Variants in LIPC observed in about 807,000 individuals in gnomAD.
The protein encoded by LIPC is lipase C, hepatic type, also known as hepatic triacylglycerol lipase.
A neutral mutation model predicts 50.7 loss-of-function variants in LIPC; 44 were observed. That is an observed-to-expected ratio of 0.87 (90% CI 0.68 to 1.11). The LOEUF (loss-of-function observed/expected upper bound fraction) is 1.11. Among genes scored for constraint, LIPC ranks in the 50% most tolerant of loss-of-function variants. LIPC has a pLI of 0.00. For synonymous variants in LIPC, 271 were observed against 256.4 expected, an observed-to-expected ratio of 1.06 and a Z score of -0.54; for missense variants, 697 against 648.2, an observed-to-expected ratio of 1.08 and a Z score of -0.82.
intron 8 of LIPC, among the ~76,000 whole-genome samples, chr15:58,568,253 C>A (rs1322856385): frequency 1.3e-5 from 2 of 152,176 alleles, no homozygotes; most frequent in African/African-American, 4.8e-5. Flanking sequence ...ACCGATGACA[C>A]TGGCCTCATG....
chr15:58,457,337 C>T (rs1894166727), intron 1 of LIPC, among the ~76,000 whole-genome samples: 1 of 152,152 alleles, frequency 6.6e-6, no homozygotes, highest in South Asian at 2.1e-4. Context: ...CTCAAACTCC[C>T]GACCTCAGGT....
intron 1 of LIPC, among the ~76,000 whole-genome samples, chr15:58,446,110 G>C (rs1208543709): frequency 1.3e-5 from 2 of 152,152 alleles, no homozygotes; most frequent in Non-Finnish European, 2.9e-5. Context: ...AGATAAGAGG[G>C]GGAAAGGAAG....
At chr15:58,553,532 G>T (rs1273100202) in intron 6 of LIPC, among the ~76,000 whole-genome samples, 1 of 152,246 alleles carries the variant, frequency 6.6e-6, no homozygotes, top group Non-Finnish European at 1.5e-5. Context: ...GGTCAAGGCT[G>T]CAGTGAGACA....
At chr15:58,503,892 TACACACCC>T (rs1188104095) in intron 1 of LIPC, among the ~76,000 whole-genome samples, 1 of 146,846 alleles carries the variant, frequency 6.8e-6, no homozygotes, top group African/African-American at 2.7e-5. Flanking sequence ...TATATGTACA[TACACACCC>T]ACACACCCAC....
chr15:58,467,644 C>A (rs1297971772), intron 1 of LIPC, among the ~76,000 whole-genome samples: 2 of 152,142 alleles, frequency 1.3e-5, no homozygotes, highest in Admixed American at 6.5e-5. Flanking sequence ...CTAATTAATG[C>A]CTCTATCTTA....
At chr15:58,535,930 T>A (rs1245326620) in intron 1 of LIPC, among the ~76,000 whole-genome samples, 2 of 152,190 alleles carry the variant, frequency 1.3e-5, no homozygotes, top group Non-Finnish European at 2.9e-5. Context: ...GGCTGAAGAT[T>A]GAGTGCCAGC....
chr15:58,565,456 G>T (rs1485625184), intron 8 of LIPC: 4 of 1,413,094 alleles, frequency 2.8e-6, no homozygotes, highest in Non-Finnish European at 3.7e-6. Flanking sequence ...AGAGGGAGGG[G>T]CCTGGCCCTT....
At chr15:58,494,913 A>T (rs1329695150) in intron 1 of LIPC, 3 of 455,818 alleles carry the variant, frequency 6.6e-6, no homozygotes, top group Non-Finnish European at 1.3e-5. Flanking sequence ...AAAATTAAAT[A>T]TTAGTCCAGT....
chr15:58,533,002 ACAACCCCAAGCCTCCCTAGTCCAT>A, intron 1 of LIPC: 1 of 180,720 alleles, frequency 5.5e-6, no homozygotes, highest in Non-Finnish European at 1.1e-5. Flanking sequence ...CATACAGAGG[ACAACCCCAAGCCTCCCTAGTCCAT>A]CAACCCCTTT....
intron 1 of LIPC, among the ~76,000 whole-genome samples, chr15:58,518,624 A>G (rs1230443191): frequency 1.3e-5 from 2 of 152,228 alleles, no homozygotes; most frequent in African/African-American, 2.4e-5. Context: ...ATGTGATGAG[A>G]GGCAGAACAG....
intron 6 of LIPC, among the ~76,000 whole-genome samples, chr15:58,550,795 T>G (rs183706349): frequency 2.3e-4 from 34 of 148,402 alleles, no homozygotes; most frequent in African/African-American, 8.7e-4. Flanking sequence ...GAGCTGTGGC[T>G]TGTACCACAC....
At chr15:58,513,791 G>T (rs1018655034) in intron 1 of LIPC, among the ~76,000 whole-genome samples, 2 of 152,146 alleles carry the variant, frequency 1.3e-5, no homozygotes, top group Non-Finnish European at 2.9e-5. Context: ...CTATGTCCTG[G>T]CTCCACTCAC....
intron 1 of LIPC, among the ~76,000 whole-genome samples, chr15:58,438,980 C>T (rs1269842596): frequency 6.6e-6 from 1 of 152,228 alleles, no homozygotes; most frequent in East Asian, 1.9e-4. Flanking sequence ...CAAGCGGAGG[C>T]CTCTTTGTCT....
At chr15:58,442,622 C>T (rs1893544997) in intron 1 of LIPC, among the ~76,000 whole-genome samples, 1 of 152,188 alleles carries the variant, frequency 6.6e-6, no homozygotes, top group African/African-American at 2.4e-5. Flanking sequence ...AAGTTCTTTG[C>T]CTATTTATGT....
At chr15:58,523,419 G>A (rs996557989) in intron 1 of LIPC, 4 of 152,332 alleles carry the variant, frequency 2.6e-5, no homozygotes, top group African/African-American at 4.8e-5. Context: ...AGGCAAGAAG[G>A]TCAGCATCTA....
intron 1 of LIPC, chr15:58,435,012 G>T (rs1228821394): frequency 1.3e-5 from 2 of 152,068 alleles, no homozygotes; most frequent in Admixed American, 1.3e-4. Context: ...AATCACTGAG[G>T]ACCCCAAACA....
At chr15:58,562,601 C>T (rs1235894130) in intron 7 of LIPC, among the ~76,000 whole-genome samples, 1 of 152,132 alleles carries the variant, frequency 6.6e-6, no homozygotes, top group East Asian at 1.9e-4. Flanking sequence ...TCCTGAGCTT[C>T]CCGAAAATTG....
chr15:58,448,989 T>C (rs1210871544), intron 1 of LIPC, among the ~76,000 whole-genome samples: 1 of 151,594 alleles, frequency 6.6e-6, no homozygotes, highest in Non-Finnish European at 1.5e-5. Context: ...GAGAAAACTG[T>C]GAGAAAAGAA....
intron 1 of LIPC, among the ~76,000 whole-genome samples, chr15:58,451,800 G>A (rs1395395736): frequency 6.6e-6 from 1 of 152,192 alleles, no homozygotes; most frequent in Admixed American, 6.5e-5. Flanking sequence ...GAGGCGAGCA[G>A]GAGGATGCTC....
Sources: gnomAD v4.1 joint callset for allele counts (sites outside exome capture counted in the v4.1 genomes callset) on GRCh38, gnomAD v4.1.1 for gene constraint, MANE v1.5 for transcripts, NCBI Gene and HGNC (gene_info 2026-07-23, HGNC 2026-07-21) for gene names.